PCDH15: variants seen among roughly 807,000 people sequenced by gnomAD.
PCDH15 encodes protocadherin-15.
In PCDH15, 129 loss-of-function variants were observed where a neutral mutation model predicts 178.5. That is an observed-to-expected ratio of 0.72 (90% CI 0.63 to 0.84). The LOEUF (loss-of-function observed/expected upper bound fraction) is 0.84, where lower values mean the gene tolerates loss of function less well. PCDH15 is among the 40% of genes least tolerant of loss of function. PCDH15 has a pLI of 0.00. For missense variants in PCDH15, 2,230 were observed against 2,099.9 expected, an observed-to-expected ratio of 1.06 and a Z score of -1.21; for synonymous variants, 800 against 732.0, an observed-to-expected ratio of 1.09 and a Z score of -1.50.
At chr10:54,804,605 G>A (rs1952744364), upstream of PCDH15, among the ~76,000 whole-genome samples, 2 of 151,354 alleles carry the variant, frequency 1.3e-5, no homozygotes, top group African/African-American at 4.8e-5. Flanking sequence ...GCTTCTTCAT[G>A]TTGGTTCACA....
At chr10:54,454,466 TAATA>T (rs1300106280) in intron 3 of PCDH15, among the ~76,000 whole-genome samples, 1 of 149,086 alleles carries the variant, frequency 6.7e-6, no homozygotes, top group Non-Finnish European at 1.5e-5. Flanking sequence ...AATTTTTAAT[TAATA>T]ATTAAAATTA....
rs150006610 is a variant in PCDH15, at chr10:54,752,529, C to CA, written c.-29+48395dup. 5.8e-5 allele frequency among the ~76,000 whole-genome samples: 3 copies of CA among 51,954 alleles called. 1 individual carries two copies. Among genetic ancestry groups the CA allele is most frequent in the Non-Finnish European group, 1.5e-4 (3 of 20,390 alleles). 34.1% of individuals were successfully genotyped at this position (51,954 alleles called of 152,430 possible). On this transcript the variant is annotated intron_variant, in intron 1 of 37. Transcript: ENST00000644397. Reference sequence around the variant, plus strand: ...AACAAAAAACAAACAAACAAACAAACAAAAAAAAACAATAAAACAATTTTC... The same window carrying CA: ...AACAAAAAACAAACAAACAAACAAACAAAAAAAAAACAATAAAACAATTTTC...
intron 2 of PCDH15, among the ~76,000 whole-genome samples, chr10:55,472,715 C>A (rs1360194956): frequency 1.3e-5 from 2 of 152,100 alleles, no homozygotes; most frequent in Admixed American, 1.3e-4. Flanking sequence ...ACTACAGGCG[C>A]CCGCCACCAC....
chr10:55,555,449 T>A (rs779620993), intron 2 of PCDH15, among the ~76,000 whole-genome samples: 2 of 152,118 alleles, frequency 1.3e-5, no homozygotes, highest in African/African-American at 4.8e-5. Flanking sequence ...ATTCATTTAA[T>A]CCTGCATTTA....
chr10:54,122,967 A>G (rs1564472964), intron 15 of PCDH15, among the ~76,000 whole-genome samples: 1 of 152,098 alleles, frequency 6.6e-6, no homozygotes, highest in Non-Finnish European at 1.5e-5. Context: ...GGTGAGCTAT[A>G]TGCAGAAGAA....
rs376825484 is a variant in PCDH15 at position 53,892,293 on chromosome 10, G to T, written c.3501+10950C>A. On this transcript the variant is annotated intron_variant, in intron 26 of 37. Transcript: ENST00000644397. ...ACCCGCCCCGGCCTCCCAAAGTTCT[G>T]GGATTACAGGCGTGAGCCACTGGGA... Among the ~76,000 whole-genome samples, 21 of 152,080 alleles carry T rather than the reference G, an allele frequency of 1.4e-4. No homozygotes were observed. The East Asian group carries it at 3.3e-3, about 24-fold the overall frequency.
At chr10:54,079,267 GTTTAAGACTC>G (rs2094396968) in intron 17 of PCDH15, 54 bp downstream of exon 17, 2 of 1,404,394 alleles carry the variant, frequency 1.4e-6, no homozygotes, top group Non-Finnish European at 2.0e-6. Context: ...GTGATACATT[GTTTAAGACTC>G]TCTCAGTTGC....
intron 1 of PCDH15, among the ~76,000 whole-genome samples, chr10:55,281,464 C>A (rs549244994): frequency 3.0e-4 from 46 of 151,754 alleles, no homozygotes; most frequent in African/African-American, 1.1e-3. Flanking sequence ...CTTACCATCT[C>A]CGACATGAGA....
At chr10:54,952,020 C>A (rs1281346909) in intron 2 of PCDH15, among the ~76,000 whole-genome samples, 1 of 151,736 alleles carries the variant, frequency 6.6e-6, no homozygotes, top group Non-Finnish European at 1.5e-5. Flanking sequence ...ACGTATCTTG[C>A]ACAGTTCAGA....
chr10:53,828,148 G>T (rs1588971476), intron 31 of PCDH15, among the ~76,000 whole-genome samples: 1 of 136,658 alleles, frequency 7.3e-6, no homozygotes, highest in East Asian at 2.1e-4. Flanking sequence ...GGAGGTTGCA[G>T]TGAGCCCAGA....
At chr10:55,009,680 G>T (rs1327330848) in intron 2 of PCDH15, among the ~76,000 whole-genome samples, 1 of 151,892 alleles carries the variant, frequency 6.6e-6, no homozygotes, top group Non-Finnish European at 1.5e-5. Flanking sequence ...CCTGTTCCAA[G>T]ACTAAAAGAA....
At chr10:53,870,074 TG>T (rs992274197) in intron 26 of PCDH15, among the ~76,000 whole-genome samples, 1 of 152,220 alleles carries the variant, frequency 6.6e-6, no homozygotes, top group Non-Finnish European at 1.5e-5. Flanking sequence ...AGTGATTGCT[TG>T]GTATATTAAG....
At chr10:54,984,148 T>C (rs547906038) in intron 2 of PCDH15, among the ~76,000 whole-genome samples, 1 of 152,290 alleles carries the variant, frequency 6.6e-6, no homozygotes, top group East Asian at 1.9e-4. Context: ...GCATGCTGAA[T>C]ACTTTAACCT....
At chr10:55,378,673 T>A (rs932291538) in intron 2 of PCDH15, among the ~76,000 whole-genome samples, 2 of 152,118 alleles carry the variant, frequency 1.3e-5, no homozygotes, top group Admixed American at 1.3e-4. Flanking sequence ...ATTCAACAGT[T>A]TTAGATAGCA....
At chr10:55,552,578 C>G (rs1274729241) in intron 2 of PCDH15, among the ~76,000 whole-genome samples, 1 of 151,158 alleles carries the variant, frequency 6.6e-6, no homozygotes, top group African/African-American at 2.4e-5. Flanking sequence ...ACTTTTAGAA[C>G]AAGTAGTTAA....
chr10:54,236,836 A>C lies in PCDH15; in HGVS notation c.972T>G (p.Tyr324Ter), dbSNP rs2054672790. 6.2e-7 allele frequency: 1 copy of C among 1,611,930 alleles called. No homozygotes were observed. The highest frequency in any genetic ancestry group is 8.5e-7 in the Non-Finnish European group (1 of 1,178,172). The change falls in exon 9 of 38, where the codon TAT becomes TAG. Residue 324 changes from tyrosine (Y) to a stop codon, truncating the protein, a stop_gained. Transcript: ENST00000644397. LOFTEE classifies it high-confidence loss of function. ...QPPSDRPGIL[Y>*]SILVGTPEDY... ...TCAGATACAAACCAACAAGGATGGA[A>C]TAGAGGATTCCTGGCCTATCTGATG...
intron 5 of PCDH15, among the ~76,000 whole-genome samples, chr10:54,363,691 A>G (rs1472297386): frequency 6.6e-6 from 1 of 152,304 alleles, no homozygotes; most frequent in South Asian, 2.1e-4. Flanking sequence ...CAAAATAACT[A>G]ATGTAATTGT....
chr10:54,193,674 G>A (rs1467339633), intron 11 of PCDH15, among the ~76,000 whole-genome samples: 1 of 152,056 alleles, frequency 6.6e-6, no homozygotes, highest in Admixed American at 6.6e-5. Context: ...CTCTTGACTG[G>A]CATATGAAAC....
At chr10:54,037,089 G>A (rs1341874593) in intron 18 of PCDH15, among the ~76,000 whole-genome samples, 2 of 151,916 alleles carry the variant, frequency 1.3e-5, no homozygotes, top group Admixed American at 1.3e-4. Context: ...TGATAAACTT[G>A]AACAGTTGAG....
Sources: allele counts gnomAD v4.1 joint callset (sites outside exome capture counted in the v4.1 genomes callset), GRCh38; gene constraint gnomAD v4.1.1; transcripts MANE v1.5; gene names NCBI Gene and HGNC (gene_info 2026-07-23, HGNC 2026-07-21).